The following KLHL3 variants were observed in gnomAD, a reference collection of about 807,000 sequenced individuals.
KLHL3 encodes the protein kelch like family member 3, also known as kelch-like protein 3.
Under a neutral mutation model 70.5 loss-of-function variants are expected in KLHL3, and 19 were observed. The ratio of observed to expected loss-of-function variants is 0.27; its 90% CI spans 0.19 to 0.40. The LOEUF (loss-of-function observed/expected upper bound fraction) is 0.40. KLHL3 is among the 10% of genes least tolerant of loss of function. The pLI, the probability that KLHL3 is intolerant of heterozygous loss-of-function variation, is 1.00. For missense variants in KLHL3, 512 were observed against 771.1 expected (o/e 0.66, Z 3.98); for synonymous variants, 258 against 290.3 (o/e 0.89, Z 1.13).
chr5:137,710,584 T>G (rs1032484953), intron 2 of KLHL3, among the ~76,000 whole-genome samples: 28 of 152,152 alleles, frequency 1.8e-4, no homozygotes, highest in Non-Finnish European at 3.2e-4. Flanking sequence ...ATAAATAAAT[T>G]AATGAATGAA....
At chr5:137,686,650 G>A (rs1309327355) in intron 5 of KLHL3, among the ~76,000 whole-genome samples, 1 of 152,204 alleles carries the variant, frequency 6.6e-6, no homozygotes, top group African/African-American at 2.4e-5. Context: ...GTAGAGTGAG[G>A]TCACAGGTCT....
chr5:137,710,573 A>T (rs1752772926), intron 2 of KLHL3, among the ~76,000 whole-genome samples: 1 of 152,168 alleles, frequency 6.6e-6, no homozygotes, highest in Non-Finnish European at 1.5e-5. Flanking sequence ...ATTTTTACTG[A>T]ATAAATAAAT....
At chr5:137,631,926 A>G (rs1052551359) in intron 12 of KLHL3, among the ~76,000 whole-genome samples, 1 of 135,206 alleles carries the variant, frequency 7.4e-6, no homozygotes, top group Non-Finnish European at 1.6e-5. Flanking sequence ...ATATACAGCA[A>G]AATGAAAGGA....
chr5:137,690,092 C>T (rs2905599), intron 5 of KLHL3, among the ~76,000 whole-genome samples: 118,798 of 152,162 alleles, frequency 0.78, 46,615 homozygotes, highest in East Asian at 0.98. Flanking sequence ...CTTTGGGAGG[C>T]TGAGGCAGGC....
At chr5:137,728,459 C>T (rs1305394382) in intron 1 of KLHL3, among the ~76,000 whole-genome samples, 1 of 152,138 alleles carries the variant, frequency 6.6e-6, no homozygotes, top group African/African-American at 2.4e-5. Context: ...ACTTTCTCTC[C>T]ATGACCCCTC....
intron 2 of KLHL3, among the ~76,000 whole-genome samples, chr5:137,718,192 G>C (rs1311351587): frequency 6.6e-6 from 1 of 152,212 alleles, no homozygotes. Context: ...AACAGAGTTT[G>C]ACAAATGCTG....
intron 6 of KLHL3, among the ~76,000 whole-genome samples, chr5:137,663,543 TTAAA>T (rs1751539304): frequency 6.6e-6 from 1 of 151,356 alleles, no homozygotes; most frequent in Non-Finnish European, 1.5e-5. Context: ...TAAATATACT[TTAAA>T]TAATTATATA....
intron 2 of KLHL3, among the ~76,000 whole-genome samples, chr5:137,710,175 C>T (rs914060782): frequency 9.2e-5 from 14 of 152,080 alleles, no homozygotes; most frequent in South Asian, 4.1e-4. Flanking sequence ...AGGGGTTTTG[C>T]GGCTCAGGGA....
At chr5:137,653,257 A>T (rs371679055) in intron 8 of KLHL3, among the ~76,000 whole-genome samples, 91 of 152,270 alleles carry the variant, frequency 6.0e-4, no homozygotes, top group African/African-American at 1.4e-3. Flanking sequence ...CTCAAAAAAA[A>T]AATAATAATT....
At chr5:137,641,188 T>C (rs1750906286) in intron 8 of KLHL3, among the ~76,000 whole-genome samples, 1 of 152,246 alleles carries the variant, frequency 6.6e-6, no homozygotes, top group South Asian at 2.1e-4. Flanking sequence ...CTCAACGGCA[T>C]TCCAATATGC....
At position 137,677,660 on chromosome 5, in the gene KLHL3, C is replaced by CAA; in HGVS notation, c.527-7_527-6insTT. On this transcript the variant is annotated splice_polypyrimidine_tract_variant and splice_region_variant and intron_variant, in intron 5 of 14. Coordinates refer to ENST00000309755, the MANE Select transcript of KLHL3 (RefSeq NM_017415.3). ...CACCTCTGGAAAGTGCTGCTCTGTT[C>CAA]CAAAAAAAAAAAAAAGAAGTTAAGA... 2 of 1,473,130 alleles carry CAA rather than the reference C, an allele frequency of 1.4e-6. No homozygotes were observed. The highest frequency in any genetic ancestry group is 1.3e-5 in the South Asian group (1 of 77,210). 91.3% of individuals were successfully genotyped at this position (1,473,130 alleles called of 1,614,324 possible). A position where few individuals can be genotyped will look rare whatever the true frequency, so the allele number is the denominator to read the frequency against.
At chr5:137,723,993 T>C (rs1329448423) in intron 1 of KLHL3, among the ~76,000 whole-genome samples, 1 of 152,256 alleles carries the variant, frequency 6.6e-6, no homozygotes, top group Non-Finnish European at 1.5e-5. Flanking sequence ...TCCTTTAATC[T>C]TGCCTGTGCA....
intron 2 of KLHL3, 86 bp downstream of exon 2, chr5:137,720,379 T>C: frequency 6.7e-7 from 1 of 1,489,376 alleles, no homozygotes; most frequent in Non-Finnish European, 9.3e-7. Flanking sequence ...CCCTAGGTGG[T>C]CATGTTCTGA....
At chr5:137,716,201 G>C (rs1752888855) in intron 2 of KLHL3, among the ~76,000 whole-genome samples, 1 of 151,760 alleles carries the variant, frequency 6.6e-6, no homozygotes. Context: ...TGTTAAGTTA[G>C]GTTGAGACGT....
At position 137,634,060 on chromosome 5, in the gene KLHL3, A is replaced by G. The variant is rs773812901; in HGVS notation, c.1427T>C (p.Met476Thr). The change falls in exon 12 of 15, where the codon ATG (methionine) becomes ACG (threonine). Residue 476 changes from methionine to threonine, a missense_variant. Coordinates refer to ENST00000309755, the MANE Select transcript of KLHL3 (RefSeq NM_017415.3). Reference sequence around the variant, plus strand: ...ACCTGCGCCACTGCGGCGGGTGCTCATGTCCGCCACGTATATCCATTCATT... The same window carrying G: ...ACCTGCGCCACTGCGGCGGGTGCTCGTGTCCGCCACGTATATCCATTCATT... ...ATNEWIYVAD[M>T]STRRSGAGVG... The G allele has an allele frequency of 3.1e-6, 5 of 1,614,202 alleles. No homozygotes were observed. Among genetic ancestry groups the G allele is most frequent in the Non-Finnish European group, 8.5e-7 (1 of 1,180,038 alleles).
chr5:137,719,664 T>A (rs887929634), intron 2 of KLHL3, among the ~76,000 whole-genome samples: 10 of 152,136 alleles, frequency 6.6e-5, no homozygotes, highest in African/African-American at 2.4e-4. Flanking sequence ...AGAGGATGAG[T>A]ATATTCACAT....
intron 13 of KLHL3, among the ~76,000 whole-genome samples, chr5:137,626,872 C>T (rs760582235): frequency 2.6e-5 from 4 of 152,038 alleles, no homozygotes; most frequent in Non-Finnish European, 5.9e-5. Context: ...GGCGTGATGG[C>T]GCATAACTGT....
chr5:137,651,975 G>C (rs1316683569), intron 8 of KLHL3, among the ~76,000 whole-genome samples: 2 of 152,158 alleles, frequency 1.3e-5, no homozygotes, highest in African/African-American at 4.8e-5. Flanking sequence ...TAAATAGTGT[G>C]GAACAACTGG....
intron 4 of KLHL3, among the ~76,000 whole-genome samples, chr5:137,693,994 GT>G (rs1752386692): frequency 6.6e-6 from 1 of 151,600 alleles, no homozygotes; most frequent in African/African-American, 2.4e-5. Context: ...TGGGGGCTTT[GT>G]CCCTCCACTG....
Sources: gnomAD v4.1 joint callset for allele counts (sites outside exome capture counted in the v4.1 genomes callset) on GRCh38, gnomAD v4.1.1 for gene constraint, MANE v1.5 for transcripts, NCBI Gene and HGNC (gene_info 2026-07-23, HGNC 2026-07-21) for gene names.